The following RASGEF1C variants were observed in gnomAD, a reference collection of about 807,000 sequenced individuals.
RASGEF1C encodes RasGEF domain family member 1C, also known as ras-GEF domain-containing family member 1C.
A neutral mutation model predicts 58.1 loss-of-function variants in RASGEF1C; 27 were observed. The ratio of observed to expected loss-of-function variants is 0.46; its 90% CI spans 0.34 to 0.64. The LOEUF (loss-of-function observed/expected upper bound fraction) is 0.64, where lower values mean the gene tolerates loss of function less well. RASGEF1C is among the 30% of genes least tolerant of loss of function. The probability of loss-of-function intolerance (pLI) is 0.01; values close to 1 mark genes in which losing one functional copy is unlikely to be tolerated. For missense variants in RASGEF1C, 502 were observed against 605.1 expected (o/e 0.83, Z 1.79); for synonymous variants, 243 against 246.3 (o/e 0.99, Z 0.13).
chr5:180,113,152 T>C (rs1383870476), intron 11 of RASGEF1C, among the ~76,000 whole-genome samples: 3 of 75,850 alleles, frequency 4.0e-5, no homozygotes, highest in East Asian at 4.3e-4. Flanking sequence ...GATGGAGGGA[T>C]CTGGGCTGGA....
chr5:180,194,909 TCCA>T (rs34545830), intron 1 of RASGEF1C, among the ~76,000 whole-genome samples: 7,325 of 152,276 alleles, frequency 0.048, 203 homozygotes, highest in African/African-American at 0.069. Flanking sequence ...TCCTGGCTTC[TCCA>T]CCTGCCTTTC....
In RASGEF1C at chr5:180,136,449, T is replaced by G. The variant is rs1329851435; in HGVS notation, c.367A>C (p.Arg123=). 2 of 1,561,318 alleles carry G rather than the reference T, an allele frequency of 1.3e-6. No homozygotes were observed. Among genetic ancestry groups the G allele is most frequent in the African/African-American group, 2.7e-5 (2 of 73,572 alleles). The part of the protein sequence containing the change: ...LLAEWTETFP[R]DFQEESTIGH... ...ATAGTCGACTCTTCCTGGAAGTCCC[T>G]TGGGAAGGTCTCGGTCCACTCGGCC... The change falls in exon 4 of 14, where the codon AGG becomes CGG. Residue 123 remains arginine (R), a synonymous_variant. Transcript: ENST00000361132.
In RASGEF1C at chr5:180,112,973, C is replaced by T. The variant is rs112663673; in HGVS notation, c.1180-1393G>A. 1.4e-3 allele frequency among the ~76,000 whole-genome samples: 188 copies of T among 136,916 alleles called. 2 individuals are homozygous for T. Among genetic ancestry groups the T allele is most frequent in the Non-Finnish European group, 2.3e-3 (145 of 63,516 alleles). The allele number at this position is 136,916 out of a possible 152,430, so 89.8% of individuals were successfully genotyped here. On this transcript the variant is annotated intron_variant, in intron 11 of 13. Coordinates refer to ENST00000361132, the MANE Select transcript of RASGEF1C (RefSeq NM_175062.4). ...GATGGACGGAGGGACCGGGGATGGA[C>T]GGAGGGACCGGGGATGGACGGAGGG...
chr5:180,179,607 G>A (rs933548553), intron 1 of RASGEF1C, among the ~76,000 whole-genome samples: 1 of 152,210 alleles, frequency 6.6e-6, no homozygotes, highest in Admixed American at 6.5e-5. Flanking sequence ...CCAGGGTGAG[G>A]AGGCTCCCAC....
At chr5:180,199,555 G>A (rs1378867685) in intron 1 of RASGEF1C, among the ~76,000 whole-genome samples, 1 of 152,210 alleles carries the variant, frequency 6.6e-6, no homozygotes, top group Non-Finnish European at 1.5e-5. Flanking sequence ...ACGTAAAGCA[G>A]AAATGCACCA....
chr5:180,130,667 T>A (rs1408268590), intron 4 of RASGEF1C, among the ~76,000 whole-genome samples: 2 of 152,218 alleles, frequency 1.3e-5, no homozygotes, highest in East Asian at 3.9e-4. Flanking sequence ...AGCCTCCTGG[T>A]TGCTCCTGCC....
At chr5:180,207,674 C>T (rs1237314636) in intron 1 of RASGEF1C, among the ~76,000 whole-genome samples, 2 of 151,864 alleles carry the variant, frequency 1.3e-5, no homozygotes, top group African/African-American at 2.4e-5. Flanking sequence ...CACCCGCCGC[C>T]ACGGGCAGCC....
At chr5:180,171,491 A>ACT (rs1767107737) in intron 1 of RASGEF1C, among the ~76,000 whole-genome samples, 1 of 152,086 alleles carries the variant, frequency 6.6e-6, no homozygotes, top group Non-Finnish European at 1.5e-5. Context: ...AGGCCGAGGG[A>ACT]CGTGCTGAAA....
At chr5:180,127,262 G>A (rs987660756) in intron 6 of RASGEF1C, among the ~76,000 whole-genome samples, 4 of 152,134 alleles carry the variant, frequency 2.6e-5, no homozygotes, top group African/African-American at 9.7e-5. Flanking sequence ...GAAGGCGCAC[G>A]GGGTCCCGGA....
In RASGEF1C at chr5:180,192,743, GTTTTTTGTT is replaced by G. The variant is rs1253847180; in HGVS notation, c.-7+16276_-7+16284del. Among the ~76,000 whole-genome samples the G allele has an allele frequency of 5.9e-5, 6 of 101,432 alleles. No individual in the cohort carries two copies. The East Asian group carries it at 3.4e-3, about 58-fold the overall frequency. 66.5% of individuals were successfully genotyped at this position (101,432 alleles called of 152,430 possible). On this transcript the variant is annotated intron_variant, in intron 1 of 13. Coordinates refer to ENST00000361132, the MANE Select transcript of RASGEF1C (RefSeq NM_175062.4). Reference sequence around the variant, plus strand: ...TAAAATATCTTCATAGTGTTTTTTTGTTTTTTGTTTTTTTTTTTTGAGATGGAGTCTGGC... The same window carrying G: ...TAAAATATCTTCATAGTGTTTTTTTGTTTTTTTTTTGAGATGGAGTCTGGC...
chr5:180,201,084 C>T (rs907872668), intron 1 of RASGEF1C, among the ~76,000 whole-genome samples: 1 of 152,054 alleles, frequency 6.6e-6, no homozygotes, highest in East Asian at 1.9e-4. Flanking sequence ...GGTGACAGAG[C>T]GAGACCTTGT....
intron 1 of RASGEF1C, among the ~76,000 whole-genome samples, chr5:180,171,277 A>G (rs1665410214): frequency 6.6e-6 from 1 of 151,738 alleles, no homozygotes; most frequent in Non-Finnish European, 1.5e-5. Flanking sequence ...AAGAAGTGTG[A>G]CCTGTTTCTG....
chr5:180,118,578 G>T, intron 10 of RASGEF1C, 31 bp downstream of exon 10: 1 of 1,562,440 alleles, frequency 6.4e-7, no homozygotes, highest in Non-Finnish European at 8.7e-7. Flanking sequence ...CCCTGCTGCA[G>T]CCCCCCTGGG....
chr5:180,152,729 A>G (rs1581109961), intron 1 of RASGEF1C, among the ~76,000 whole-genome samples: 2 of 151,252 alleles, frequency 1.3e-5, no homozygotes, highest in Non-Finnish European at 2.9e-5. Flanking sequence ...AAAAAAAAAG[A>G]AAGAAAACCT....
At position 180,156,861 on chromosome 5, in the gene RASGEF1C, G is replaced by T. The variant is rs1370617203; in HGVS notation, c.-6-18803C>A. On this transcript the variant is annotated intron_variant, in intron 1 of 13. Transcript: ENST00000361132. The surrounding 1 kb of genome is among the most constrained non-coding windows in gnomAD (Gnocchi z 4.9). ...CAACCTGATTAATAAAGGAGACAAAGACCTTAACAGGCACCTGACCAAAGA... is the reference window on the plus strand; with the variant it reads ...CAACCTGATTAATAAAGGAGACAAATACCTTAACAGGCACCTGACCAAAGA... 1.3e-5 allele frequency among the ~76,000 whole-genome samples: 2 copies of T among 152,184 alleles called. No homozygotes were observed. Among genetic ancestry groups the T allele is most frequent in the African/African-American group, 2.4e-5 (1 of 41,438 alleles).
intron 1 of RASGEF1C, among the ~76,000 whole-genome samples, chr5:180,145,987 T>A (rs933637486): frequency 1.3e-5 from 2 of 152,262 alleles, no homozygotes; most frequent in Admixed American, 1.3e-4. Flanking sequence ...TCTTCTCCTA[T>A]TCGGTAGGTT....
intron 3 of RASGEF1C, chr5:180,136,780 G>C (rs929222990): frequency 3.5e-5 from 17 of 488,060 alleles, no homozygotes; most frequent in African/African-American, 3.0e-4. Context: ...TCGCGCTGCG[G>C]GGAGTGGGGA....
rs1312752681 is a variant in RASGEF1C at position 180,108,201 on chromosome 5, TTTC to T, written c.1303+3253_1303+3255del. Among the ~76,000 whole-genome samples the T allele has an allele frequency of 3.4e-3, 500 of 148,680 alleles. 4 individuals are homozygous for T. The highest frequency in any genetic ancestry group is 0.012 in the African/African-American group (467 of 40,510). On this transcript the variant is annotated intron_variant, in intron 12 of 13. Coordinates refer to ENST00000361132, the MANE Select transcript of RASGEF1C (RefSeq NM_175062.4). Reference sequence around the variant, plus strand: ...AATATGTTTCAGTCTATTTTCTTTCTTTCTTTTTTTTTTTTTTTGAGACAGAGT... The same window carrying T: ...AATATGTTTCAGTCTATTTTCTTTCTTTTTTTTTTTTTTTTGAGACAGAGT...
At chr5:180,110,527 G>A (rs562147965) in intron 12 of RASGEF1C, among the ~76,000 whole-genome samples, 55 of 152,088 alleles carry the variant, frequency 3.6e-4, no homozygotes, top group Middle Eastern at 3.4e-3. Context: ...ATGTGGGGCC[G>A]CGGGGCCATT....
Sources: gnomAD v4.1 joint callset for allele counts (sites outside exome capture counted in the v4.1 genomes callset) on GRCh38, gnomAD v4.1.1 for gene constraint, Gnocchi (gnomAD v3.1) non-coding constraint, MANE v1.5 for transcripts, NCBI Gene and HGNC (gene_info 2026-07-23, HGNC 2026-07-21) for gene names.